The following TENM2 variants were observed in gnomAD, a reference collection of about 807,000 sequenced individuals.
TENM2 encodes teneurin-2.
A neutral mutation model predicts 245.2 loss-of-function variants in TENM2; 52 were observed. The observed-to-expected ratio is 0.21, with a 90% CI of 0.17 to 0.27. The LOEUF is 0.27. Among genes scored for constraint, TENM2 ranks in the 10% least tolerant of loss-of-function variants. The pLI, the probability that TENM2 is intolerant of heterozygous loss-of-function variation, is 1.00. For synonymous variants in TENM2, 1,363 were observed against 1,438.9 expected (o/e 0.95, Z 1.19); for missense variants, 3,046 against 3,666.8 (o/e 0.83, Z 4.37).
chr5:167,752,473 C>A (rs1341610186), intron 2 of TENM2, among the ~76,000 whole-genome samples: 1 of 151,948 alleles, frequency 6.6e-6, no homozygotes, highest in East Asian at 1.9e-4. Context: ...CTACCAGTGA[C>A]CACACCCACA....
chr5:167,902,418 T>G (rs750688832), intron 3 of TENM2, among the ~76,000 whole-genome samples: 1 of 152,256 alleles, frequency 6.6e-6, no homozygotes, highest in Non-Finnish European at 1.5e-5. Flanking sequence ...CTTGTCGTTT[T>G]AATTACCTTA....
At chr5:168,037,410 C>T (rs542338964) in intron 5 of TENM2, among the ~76,000 whole-genome samples, 3 of 152,130 alleles carry the variant, frequency 2.0e-5, no homozygotes, top group East Asian at 1.9e-4. Context: ...ACCACAATGG[C>T]GTCAAACCAG....
At chr5:167,417,617 C>T (rs1763237834) in intron 2 of TENM2, among the ~76,000 whole-genome samples, 1 of 152,096 alleles carries the variant, frequency 6.6e-6, no homozygotes, top group Non-Finnish European at 1.5e-5. Context: ...GCTTTCCATA[C>T]ATTATCTAGT....
intron 5 of TENM2, among the ~76,000 whole-genome samples, chr5:168,008,155 G>C (rs1784968077): frequency 6.6e-6 from 1 of 152,200 alleles, no homozygotes; most frequent in South Asian, 2.1e-4. Context: ...GATGGAGAAG[G>C]TTCTAGGCCG....
intron 2 of TENM2, among the ~76,000 whole-genome samples, chr5:167,722,067 G>C (rs1206278939): frequency 2.6e-5 from 4 of 152,262 alleles, no homozygotes; most frequent in Non-Finnish European, 5.9e-5. Flanking sequence ...GCTGGTGGAG[G>C]TTGGTGGGAC....
intron 2 of TENM2, among the ~76,000 whole-genome samples, chr5:167,539,131 A>T (rs1772036337): frequency 6.6e-6 from 1 of 151,408 alleles, no homozygotes; most frequent in South Asian, 2.1e-4. Flanking sequence ...TGAGTAGTTT[A>T]AAAAAAAAGT....
chr5:167,177,409 C>G, the TENM2 span, among the ~76,000 whole-genome samples: 3 of 152,190 alleles, frequency 2.0e-5, no homozygotes, highest in Non-Finnish European at 4.4e-5. Flanking sequence ...CATACCCAAC[C>G]TGAATTGCAA....
chr5:167,585,406 T>C lies in TENM2; in HGVS notation c.502+209933T>C, dbSNP rs113913854. ...AGAACTGTTTAAATAGACCATGGACTCTGAGCATTGTGATCATGAATACAG... is the reference window on the plus strand; with the variant it reads ...AGAACTGTTTAAATAGACCATGGACCCTGAGCATTGTGATCATGAATACAG... On this transcript the variant is annotated intron_variant, in intron 2 of 28. Transcript: ENST00000518659. 4.6e-3 allele frequency among the ~76,000 whole-genome samples: 699 copies of C among 152,346 alleles called. 5 individuals carry two copies. The highest frequency in any genetic ancestry group is 0.016 in the African/African-American group (663 of 41,574).
At chr5:167,117,848 C>A in the TENM2 span, among the ~76,000 whole-genome samples, 3 of 121,642 alleles carry the variant, frequency 2.5e-5, no homozygotes, top group Admixed American at 3.3e-4. Flanking sequence ...GTTGTGAATA[C>A]ATGTCCAAAA....
intron 2 of TENM2, among the ~76,000 whole-genome samples, chr5:167,807,616 A>G (rs1766307712): frequency 3.9e-5 from 1 of 25,446 alleles, no homozygotes; most frequent in Non-Finnish European, 9.2e-5. Flanking sequence ...TAATAAATGC[A>G]TTTTTTTTAA....
intron 1 of TENM2, among the ~76,000 whole-genome samples, chr5:167,302,730 T>C (rs2127738947): frequency 6.6e-6 from 1 of 152,060 alleles, no homozygotes; most frequent in South Asian, 2.1e-4. Flanking sequence ...GGGGGGTTCT[T>C]ACTGCCCAGA....
At chr5:167,484,909 A>C (rs1767969529) in intron 2 of TENM2, among the ~76,000 whole-genome samples, 1 of 152,236 alleles carries the variant, frequency 6.6e-6, no homozygotes, top group African/African-American at 2.4e-5. Flanking sequence ...CTTTAAATAA[A>C]ATGAAAAACT....
intron 1 of TENM2, among the ~76,000 whole-genome samples, chr5:167,339,819 T>C (rs995972187): frequency 2.6e-5 from 4 of 152,148 alleles, no homozygotes; most frequent in African/African-American, 9.7e-5. Flanking sequence ...TCCCTCTCAC[T>C]TCCCATGATG....
intron 23 of TENM2, among the ~76,000 whole-genome samples, chr5:168,219,844 A>AAAAAAAC: frequency 6.6e-6 from 1 of 151,478 alleles, no homozygotes. Flanking sequence ...AAAAAAAAAA[A>AAAAAAAC]AAAAAGCGGG....
chr5:167,837,532 A>G (rs1281500760), intron 2 of TENM2, among the ~76,000 whole-genome samples: 2 of 152,220 alleles, frequency 1.3e-5, no homozygotes, highest in African/African-American at 2.4e-5. Flanking sequence ...TCTAAAGGTT[A>G]CATTAATTTG....
At chr5:167,589,619 A>G (rs943494473) in intron 2 of TENM2, among the ~76,000 whole-genome samples, 1 of 152,118 alleles carries the variant, frequency 6.6e-6, no homozygotes, top group Non-Finnish European at 1.5e-5. Flanking sequence ...AAAATTTAGA[A>G]AAAAAATTGA....
intron 2 of TENM2, among the ~76,000 whole-genome samples, chr5:167,586,570 G>A (rs930428906): frequency 7.2e-5 from 11 of 152,168 alleles, no homozygotes; most frequent in Non-Finnish European, 1.3e-4. Flanking sequence ...TCTCCAGGGT[G>A]TCCTGTTGAA....
chr5:167,551,705 T>G (rs1361187059), intron 2 of TENM2, among the ~76,000 whole-genome samples: 2 of 152,230 alleles, frequency 1.3e-5, no homozygotes, highest in Non-Finnish European at 2.9e-5. Context: ...TGTTTATTTT[T>G]GCCAAAAGCC....
At chr5:167,153,302 T>A in the TENM2 span, among the ~76,000 whole-genome samples, 1 of 152,080 alleles carries the variant, frequency 6.6e-6, no homozygotes, top group Non-Finnish European at 1.5e-5. Flanking sequence ...TTATATATAT[T>A]ATATACTGTA....
Sources: gnomAD v4.1 joint callset for allele counts (sites outside exome capture counted in the v4.1 genomes callset) on GRCh38, gnomAD v4.1.1 for gene constraint, MANE v1.5 for transcripts, NCBI Gene and HGNC (gene_info 2026-07-23, HGNC 2026-07-21) for gene names.